Variants in GABRB1 observed in about 807,000 individuals in gnomAD.
The protein encoded by GABRB1 is gamma-aminobutyric acid receptor subunit beta-1.
GABRB1 carries 17 observed loss-of-function variants against 51.6 expected under a neutral mutation model. That is an observed-to-expected ratio of 0.33 (90% CI 0.23 to 0.49). The LOEUF (loss-of-function observed/expected upper bound fraction) is 0.49. Among genes scored for constraint, GABRB1 ranks in the 20% least tolerant of loss-of-function variants. The probability of loss-of-function intolerance (pLI) is 0.99; values close to 1 mark genes in which losing one functional copy is unlikely to be tolerated. For missense variants in GABRB1, 410 were observed against 600.6 expected (o/e 0.68, Z 3.32); for synonymous variants, 247 against 218.9 (o/e 1.13, Z -1.14).
intron 3 of GABRB1, among the ~76,000 whole-genome samples, chr4:47,105,096 G>T (rs1484588898): frequency 6.6e-6 from 1 of 151,978 alleles, no homozygotes; most frequent in African/African-American, 2.4e-5. Flanking sequence ...TCTCTTGCTG[G>T]CCTTCCACAT....
chr4:47,011,744 C>T (rs1013931363), intron 1 of GABRB1, among the ~76,000 whole-genome samples: 1 of 151,948 alleles, frequency 6.6e-6, no homozygotes. Flanking sequence ...GAAAAACTTC[C>T]CCTTTTCAAG....
At chr4:47,242,823 C>G (rs984667246) in intron 4 of GABRB1, among the ~76,000 whole-genome samples, 1 of 152,042 alleles carries the variant, frequency 6.6e-6, no homozygotes, top group African/African-American at 2.4e-5. Flanking sequence ...AACTTTTCTC[C>G]CATTCTGTAG....
intron 4 of GABRB1, among the ~76,000 whole-genome samples, chr4:47,245,280 T>A (rs1404835815): frequency 6.6e-6 from 1 of 152,178 alleles, no homozygotes; most frequent in Non-Finnish European, 1.5e-5. Context: ...TATTTCCTAA[T>A]ATAACTTGCA....
At chr4:47,028,913 TG>T (rs1725192202), upstream of GABRB1, among the ~76,000 whole-genome samples, 1 of 150,180 alleles carries the variant, frequency 6.7e-6, no homozygotes. Flanking sequence ...ATATATCTTT[TG>T]GGTTTTACAC....
At chr4:47,291,356 A>T (rs1412843311) in intron 4 of GABRB1, among the ~76,000 whole-genome samples, 1 of 152,230 alleles carries the variant, frequency 6.6e-6, no homozygotes, top group Non-Finnish European at 1.5e-5. Context: ...CCCAGGCAGA[A>T]GTTTGCTGCA....
At chr4:47,180,690 G>A (rs894403873) in intron 4 of GABRB1, among the ~76,000 whole-genome samples, 1 of 151,908 alleles carries the variant, frequency 6.6e-6, no homozygotes, top group East Asian at 1.9e-4. Context: ...TTTTGAACGG[G>A]AGTTAATAGC....
At chr4:47,019,563 C>G (rs1724847235) in intron 1 of GABRB1, among the ~76,000 whole-genome samples, 1 of 151,254 alleles carries the variant, frequency 6.6e-6, no homozygotes, top group African/African-American at 2.4e-5. Flanking sequence ...CTCTCTCTCT[C>G]TCTCTCTCTC....
chr4:47,113,122 G>A (rs566563587), intron 3 of GABRB1, among the ~76,000 whole-genome samples: 4 of 151,984 alleles, frequency 2.6e-5, no homozygotes, highest in Admixed American at 6.6e-5. Flanking sequence ...GCAGTGGTTC[G>A]CGCCTGTAAT....
chr4:47,357,335 G>A (rs1191787576), intron 5 of GABRB1, among the ~76,000 whole-genome samples: 1 of 152,160 alleles, frequency 6.6e-6, no homozygotes, highest in Non-Finnish European at 1.5e-5. Flanking sequence ...CAGAAGTGAA[G>A]AGAAGAGTTT....
intron 3 of GABRB1, among the ~76,000 whole-genome samples, chr4:47,076,329 C>G (rs912178886): frequency 1.3e-5 from 2 of 152,232 alleles, no homozygotes; most frequent in East Asian, 3.8e-4. Context: ...TGTCTCATAA[C>G]TAGACCAGCC....
At chr4:47,349,306 A>C (rs747195387) in intron 5 of GABRB1, among the ~76,000 whole-genome samples, 1 of 152,182 alleles carries the variant, frequency 6.6e-6, no homozygotes, top group Non-Finnish European at 1.5e-5. Flanking sequence ...AACTGGATAG[A>C]ATAAAGCAAG....
chr4:47,137,989 A>G (rs1051642510), intron 3 of GABRB1, among the ~76,000 whole-genome samples: 7 of 152,142 alleles, frequency 4.6e-5, no homozygotes, highest in African/African-American at 1.2e-4. Flanking sequence ...GACTATTTCC[A>G]TTGCAGTGAG....
At chr4:47,360,568 A>C (rs1030968951) in intron 5 of GABRB1, among the ~76,000 whole-genome samples, 1 of 152,054 alleles carries the variant, frequency 6.6e-6, no homozygotes, top group African/African-American at 2.4e-5. Context: ...TTTCAAAGGT[A>C]TTTTCTGCTA....
chr4:47,352,293 G>A (rs1726378267), intron 5 of GABRB1, among the ~76,000 whole-genome samples: 1 of 152,080 alleles, frequency 6.6e-6, no homozygotes, highest in African/African-American at 2.4e-5. Flanking sequence ...CAACTAAAAA[G>A]AGTCCAGGAC....
At chr4:47,261,651 C>T (rs528034504) in intron 4 of GABRB1, among the ~76,000 whole-genome samples, 11 of 152,058 alleles carry the variant, frequency 7.2e-5, no homozygotes, top group South Asian at 4.2e-4. Context: ...CCATCCCCAT[C>T]AAGCTACCAA....
intron 4 of GABRB1, among the ~76,000 whole-genome samples, chr4:47,261,373 TCA>T (rs1722430261): frequency 6.6e-6 from 1 of 152,052 alleles, no homozygotes; most frequent in African/African-American, 2.4e-5. Context: ...TGTACAAAAA[TCA>T]CAAGCATTCT....
At chr4:47,263,459 T>A (rs1722530745) in intron 4 of GABRB1, among the ~76,000 whole-genome samples, 1 of 152,078 alleles carries the variant, frequency 6.6e-6, no homozygotes, top group Non-Finnish European at 1.5e-5. Flanking sequence ...AGAGACCAAG[T>A]GATGCATGTT....
At chr4:47,170,387 A>ACACACACACACACG (rs1362003221) in intron 4 of GABRB1, among the ~76,000 whole-genome samples, 6 of 151,294 alleles carry the variant, frequency 4.0e-5, no homozygotes, top group African/African-American at 1.2e-4. Context: ...CACTACACAC[A>ACACACACACACACG]CACACACACA....
intron 5 of GABRB1, among the ~76,000 whole-genome samples, chr4:47,353,931 T>TACAC (rs149879524): frequency 6.6e-6 from 1 of 151,662 alleles, no homozygotes; most frequent in Non-Finnish European, 1.5e-5. Flanking sequence ...CCTGCCAACA[T>TACAC]ACACACACAC....
Sources: gnomAD v4.1 joint callset for allele counts (sites outside exome capture counted in the v4.1 genomes callset) on GRCh38, gnomAD v4.1.1 for gene constraint, MANE v1.5 for transcripts, NCBI Gene and HGNC (gene_info 2026-07-23, HGNC 2026-07-21) for gene names.